LRP5: variants seen among roughly 807,000 people sequenced by gnomAD.
The protein encoded by LRP5 is LDL receptor related protein 5, also known as low-density lipoprotein receptor-related protein 5.
LRP5 carries 62 observed loss-of-function variants against 154.1 expected under a neutral mutation model. The observed-to-expected ratio is 0.40, with a 90% CI of 0.33 to 0.50. The LOEUF (loss-of-function observed/expected upper bound fraction) is 0.50, where lower values mean the gene tolerates loss of function less well. Ranked by LOEUF, LRP5 falls within the 20% of genes least tolerant of loss-of-function variation. The pLI is 0.55. For missense variants in LRP5, 1,915 were observed against 2,336.7 expected (o/e 0.82, Z 3.72); for synonymous variants, 966 against 1,011.5 (o/e 0.96, Z 0.85).
In LRP5 at chr11:68,423,640, T is replaced by A; in HGVS notation, c.3179T>A (p.Val1060Glu). The A allele has an allele frequency of 6.2e-7, 1 of 1,613,748 alleles. No individual in the cohort carries two copies. Among genetic ancestry groups the A allele is most frequent in the African/African-American group, 1.3e-5 (1 of 74,916 alleles). The change falls in exon 14 of 23, where the codon GTG becomes GAG. Residue 1060 changes from valine (V) to glutamate (E), a missense_variant. Physicochemically the swap from Val to Glu is moderately radical, Grantham distance 121 (BLOSUM62 -2). Coordinates refer to ENST00000294304, the MANE Select transcript of LRP5 (RefSeq NM_002335.4). The surrounding 1 kb of genome is among the most constrained non-coding windows in gnomAD (Gnocchi z 4.7). ...VHRLSGEAMGVVLRGDRDKPR... is the reference protein window; with the variant it reads ...VHRLSGEAMGEVLRGDRDKPR... ...AGGCTGAGCGGGGAAGCCATGGGGG[T>A]GGTGCTGCGTGGGGACCGCGACAAG...
At chr11:68,407,950 G>C (rs190166340) in intron 9 of LRP5, among the ~76,000 whole-genome samples, 1 of 152,220 alleles carries the variant, frequency 6.6e-6, no homozygotes, top group African/African-American at 2.4e-5. Flanking sequence ...ATCTGTATGG[G>C]CTCTAAAGCC....
chr11:68,390,215 T>C (rs546637557), intron 7 of LRP5, among the ~76,000 whole-genome samples, 163 bp downstream of exon 7: 5 of 152,166 alleles, frequency 3.3e-5, no homozygotes, highest in Admixed American at 2.0e-4. Context: ...AAAAACGCCT[T>C]GAGAGGGTAG....
At chr11:68,326,966 CG>C (rs1337532088) in intron 1 of LRP5, among the ~76,000 whole-genome samples, 1 of 152,214 alleles carries the variant, frequency 6.6e-6, no homozygotes, top group African/African-American at 2.4e-5. Context: ...TTGAGGAGAA[CG>C]TGGACTTTGC....
At chr11:68,414,075 G>T in intron 12 of LRP5, 63 bp downstream of exon 12, 2 of 1,478,084 alleles carry the variant, frequency 1.4e-6, no homozygotes, top group Admixed American at 1.8e-5. Flanking sequence ...TCTGGGAGCT[G>T]ACGCTGAAAG....
Position 68,423,692 on chromosome 11 carries a change from G to T in LRP5, c.3231G>T (p.Glu1077Asp), listed in dbSNP as rs755040631. The T allele has an allele frequency of 6.2e-7, 1 of 1,609,608 alleles. No individual in the cohort carries two copies. The highest frequency in any genetic ancestry group is 8.5e-7 in the Non-Finnish European group (1 of 1,179,622). Residue 1077 changes from glutamate (E) to aspartate (D), a missense_variant, in exon 14 of 23, where the codon GAG becomes GAT. Transcript: ENST00000294304. This position sits in a 1 kb window ranked among gnomAD's most constrained non-coding sequence, Gnocchi z 4.7. ...CCAGGGCCATCGTCGTCAACGCGGAGCGAGGGTAGGAGGCCAACGGGTGGG... is the reference window on the plus strand; with the variant it reads ...CCAGGGCCATCGTCGTCAACGCGGATCGAGGGTAGGAGGCCAACGGGTGGG... ...DKPRAIVVNAERGYLYFTNMQ... is the reference protein window; with the variant it reads ...DKPRAIVVNADRGYLYFTNMQ...
intron 17 of LRP5, among the ~76,000 whole-genome samples, chr11:68,432,318 C>T (rs1016928255): frequency 2.0e-5 from 3 of 152,236 alleles, no homozygotes; most frequent in African/African-American, 4.8e-5. Flanking sequence ...CTCCAGCCAC[C>T]GGTCCTCCGT....
intron 21 of LRP5, among the ~76,000 whole-genome samples, chr11:68,444,655 G>A (rs550928834): frequency 4.8e-5 from 7 of 146,976 alleles, no homozygotes; most frequent in East Asian, 2.0e-4. Context: ...AGACATTGCC[G>A]AGGCGCTGCA....
At chr11:68,373,059 G>A (rs1363457919) in intron 5 of LRP5, among the ~76,000 whole-genome samples, 1 of 152,110 alleles carries the variant, frequency 6.6e-6, no homozygotes, top group Non-Finnish European at 1.5e-5. Context: ...GACTGTGTGG[G>A]GCAGGTTGTG....
intron 2 of LRP5, among the ~76,000 whole-genome samples, chr11:68,348,946 C>CAA (rs1229661715): frequency 2.6e-5 from 3 of 115,518 alleles, no homozygotes; most frequent in Admixed American, 9.0e-5. Flanking sequence ...GATCCTGTCT[C>CAA]AAAAAAAAAA....
In LRP5 at chr11:68,439,936, AGGGGCGGGGCGGGAT is replaced by A; in HGVS notation, c.4488+26_4488+40del. 2.2e-6 allele frequency: 1 copy of A among 464,486 alleles called. No individual in the cohort carries two copies. The highest frequency in any genetic ancestry group is 3.7e-6 in the Non-Finnish European group (1 of 270,572). 28.8% of individuals were successfully genotyped at this position (464,486 alleles called of 1,614,324 possible). A position where few individuals can be genotyped will look rare whatever the true frequency, so the allele number is the denominator to read the frequency against. On this transcript the variant is annotated intron_variant, in intron 21 of 22. Coordinates refer to ENST00000294304, the MANE Select transcript of LRP5 (RefSeq NM_002335.4). The stretch of plus-strand genomic sequence containing the variant: ...CCGCCGGTGAGGGGCGGGGCCGGGG[AGGGGCGGGGCGGGAT>A]GGGGCTGTGGGCCCCTCCCACCGTC...
At chr11:68,443,566 T>C (rs1431485985) in intron 21 of LRP5, among the ~76,000 whole-genome samples, 1 of 41,036 alleles carries the variant, frequency 2.4e-5, no homozygotes, top group Non-Finnish European at 4.6e-5. Context: ...TATATATATA[T>C]ATATATATAT....
Position 68,312,772 on chromosome 11 carries a change from CT to C in LRP5, c.59del (p.Leu20ArgfsTer63). 9.2e-7 allele frequency: 1 copy of C among 1,090,190 alleles called. No individual in the cohort carries two copies. Among genetic ancestry groups the C allele is most frequent in the Non-Finnish European group, 1.1e-6 (1 of 892,190 alleles). The allele number at this position is 1,090,190 out of a possible 1,614,324, so 67.5% of individuals were successfully genotyped here. A position where few individuals can be genotyped will look rare whatever the true frequency, so the allele number is the denominator to read the frequency against. On this transcript the variant is annotated frameshift_variant, in exon 1 of 23. Coordinates refer to ENST00000294304, the MANE Select transcript of LRP5 (RefSeq NM_002335.4). LOFTEE classifies it high-confidence loss of function. ...GCTGCTGCTGCTGCTGCTGCTGCTG[CT>C]GGCGCTGTGCGGCTGCCCGGCCCCC... ...WPLLLLLLLLLALCGCPAPAA... is the reference protein window; with the variant it reads ...WPLLLLLLLLXALCGCPAPAA...
At chr11:68,436,143 C>A (rs574743733) in intron 18 of LRP5, among the ~76,000 whole-genome samples, 1 of 152,216 alleles carries the variant, frequency 6.6e-6, no homozygotes, top group African/African-American at 2.4e-5. Flanking sequence ...GCCCTTACGC[C>A]GGTTCTGGCT....
At chr11:68,327,224 G>T (rs2098600220) in intron 1 of LRP5, among the ~76,000 whole-genome samples, 1 of 152,214 alleles carries the variant, frequency 6.6e-6, no homozygotes, top group Non-Finnish European at 1.5e-5. Flanking sequence ...GGGGCAGTGT[G>T]GGTGCTGGGC....
At chr11:68,351,850 T>C (rs1360129231) in intron 2 of LRP5, among the ~76,000 whole-genome samples, 2 of 152,046 alleles carry the variant, frequency 1.3e-5, no homozygotes, top group Non-Finnish European at 2.9e-5. Flanking sequence ...TTGGTGACTT[T>C]TGAGTCGAGA....
chr11:68,320,006 A>T (rs2098595814), intron 1 of LRP5, among the ~76,000 whole-genome samples: 1 of 152,126 alleles, frequency 6.6e-6, no homozygotes. Flanking sequence ...CAAAAAATTT[A>T]AAAAATTAGC....
intron 17 of LRP5, among the ~76,000 whole-genome samples, chr11:68,430,934 G>A (rs572778795): frequency 2.6e-5 from 4 of 152,316 alleles, no homozygotes; most frequent in African/African-American, 9.6e-5. Context: ...GAAATTGAGA[G>A]CACTTACCTG....
At chr11:68,414,725 C>G (rs1355046224) in intron 12 of LRP5, among the ~76,000 whole-genome samples, 1 of 152,216 alleles carries the variant, frequency 6.6e-6, no homozygotes, top group Non-Finnish European at 1.5e-5. Context: ...TCTTTGTCAT[C>G]CAGGCCCCGT....
At chr11:68,308,157 C>G (rs1207770293), upstream of LRP5, among the ~76,000 whole-genome samples, 1 of 152,144 alleles carries the variant, frequency 6.6e-6, no homozygotes, top group Admixed American at 6.5e-5. Context: ...GCAGTGGGCA[C>G]TCTCACTGGG....
Sources: gnomAD v4.1 joint callset for allele counts (sites outside exome capture counted in the v4.1 genomes callset) on GRCh38, gnomAD v4.1.1 for gene constraint, Gnocchi (gnomAD v3.1) non-coding constraint, MANE v1.5 for transcripts, NCBI Gene and HGNC (gene_info 2026-07-23, HGNC 2026-07-21) for gene names.